The following SLC16A3 variants were observed in gnomAD, a reference collection of about 807,000 sequenced individuals.
The protein encoded by SLC16A3 is solute carrier family 16 member 3.
Under a neutral mutation model 25.0 loss-of-function variants are expected in SLC16A3, and 22 were observed. That is an observed-to-expected ratio of 0.88 (90% confidence interval 0.63 to 1.26). The LOEUF is 1.26. SLC16A3 is among the 50% of genes most tolerant of loss of function. The pLI is 0.00. For synonymous variants in SLC16A3, 390 were observed against 309.2 expected (o/e 1.26, Z -2.74); for missense variants, 731 against 666.6 (o/e 1.10, Z -1.06).
chr17:82,219,774 G>A (rs1209226917), intron 1 of SLC16A3, among the ~76,000 whole-genome samples: 7 of 152,276 alleles, frequency 4.6e-5, no homozygotes. Context: ...GGCTACAGGC[G>A]AGCATGGGCT....
chr17:82,234,694 C>G (rs2050567336), intron 1 of SLC16A3: 1 of 152,362 alleles, frequency 6.6e-6, no homozygotes, highest in Non-Finnish European at 1.5e-5. Flanking sequence ...ACGCACGGAA[C>G]TGCTCAGACT....
In SLC16A3 at chr17:82,237,743, T is replaced by C. The variant is rs1013056277; in HGVS notation, c.973T>C (p.Cys325Arg). 3 of 1,612,028 alleles carry C rather than the reference T, an allele frequency of 1.9e-6. No homozygotes were observed. The highest frequency in any genetic ancestry group is 2.5e-6 in the Non-Finnish European group (3 of 1,179,956). The change falls in exon 4 of 5, where the codon TGC (cysteine) becomes CGC (arginine). Residue 325 changes from cysteine (C) to arginine (R), a missense_variant. By Grantham distance (180) the Cys-to-Arg change is radical (BLOSUM62 -3). Transcript: ENST00000582743. Reference protein sequence around the residue: ...AGDYGGLVVFCIFFGISYGMV... With the variant: ...AGDYGGLVVFRIFFGISYGMV... Reference sequence around the variant, plus strand: ...CGACTACGGCGGCCTCGTGGTCTTCTGCATCTTCTTTGGCATCTCCTACGG... The same window carrying C: ...CGACTACGGCGGCCTCGTGGTCTTCCGCATCTTCTTTGGCATCTCCTACGG...
At chr17:82,225,949 G>C (rs2050419022), upstream of SLC16A3, among the ~76,000 whole-genome samples, 1 of 152,088 alleles carries the variant, frequency 6.6e-6, no homozygotes, top group Non-Finnish European at 1.5e-5. Flanking sequence ...CACAGAGGTA[G>C]GGACTCTCGG....
intron 3 of SLC16A3, 36 bp downstream of exon 3, chr17:82,236,908 G>A (rs1258255027): frequency 1.3e-6 from 2 of 1,598,498 alleles, no homozygotes; most frequent in Non-Finnish European, 1.7e-6. Context: ...CACGTGCCAG[G>A]AGGGGCAGGG....
Position 82,238,701 on chromosome 17 carries a change from G to A in SLC16A3, c.1124-1G>A. Reference sequence around the variant, plus strand: ...CTGGGACTGACGGGGTCTTCCCGCAGGCAAACTCCTGGATGCGACCCACGT... The same window carrying A: ...CTGGGACTGACGGGGTCTTCCCGCAAGCAAACTCCTGGATGCGACCCACGT... On this transcript the variant is annotated splice_acceptor_variant, in intron 4 of 4. Coordinates refer to ENST00000582743, the MANE Select transcript of SLC16A3 (RefSeq NM_004207.4). LOFTEE classifies it high-confidence loss of function. The A allele has an allele frequency of 6.2e-7, 1 of 1,606,366 alleles. No individual in the cohort carries two copies. Among genetic ancestry groups the A allele is most frequent in the Non-Finnish European group, 8.5e-7 (1 of 1,176,224 alleles).
upstream of SLC16A3, among the ~76,000 whole-genome samples, chr17:82,224,972 ACTCCCTGGGAAG>A (rs2050413180): frequency 2.0e-5 from 3 of 151,834 alleles, no homozygotes; most frequent in Admixed American, 2.0e-4. Flanking sequence ...CTGGGCTGCC[ACTCCCTGGGAAG>A]GACCAGCAGC....
Position 82,237,146 on chromosome 17 carries a change from T to G in SLC16A3, c.376T>G (p.Leu126Val). Residue 126 changes from leucine to valine, a missense_variant, in exon 4 of 5, where the codon TTG (leucine) becomes GTG (valine). By Grantham distance (32) the Leu-to-Val change is conservative. Transcript: ENST00000582743. ...LTTGVITGLG[L>V]ALNFQPSLIM... ...CATTCCCTTTCCTCCAGGGTTGGGT[T>G]TGGCACTCAACTTCCAGCCCTCGCT... 1 of 1,508,078 alleles carries G rather than the reference T, an allele frequency of 6.6e-7. No individual in the cohort carries two copies. The highest frequency in any genetic ancestry group is 1.3e-5 in the South Asian group (1 of 74,964). The allele number at this position is 1,508,078 out of a possible 1,614,324, so 93.4% of individuals were successfully genotyped here.
At position 82,223,329 on chromosome 17, in the gene SLC16A3, T is replaced by C. The variant is rs138133546; in HGVS notation, c.-27+5145T>C. The stretch of plus-strand genomic sequence containing the variant: ...TCCCAAGTAGTTGGGATTACCGGCA[T>C]GTGCCATGACGCCTGGCTAATTTTT... On this transcript the variant is annotated intron_variant, in intron 1 of 4. Transcript: ENST00000580098. 4.4e-3 allele frequency among the ~76,000 whole-genome samples: 673 copies of C among 152,156 alleles called. 4 individuals are homozygous for C. The highest frequency in any genetic ancestry group is 0.015 in the African/African-American group (641 of 41,482).
rs1445583436 is a variant in SLC16A3, at chr17:82,236,168, GGGATCGGCTACAGCGACACAGCCT to G, written c.166_189del (p.Gly56_Ile63del). ...CTTCAAGGAGCTCATACAGGAGTTT[GGGATCGGCTACAGCGACACAGCCT>G]GGATCTCCTCCATCCTGCTGGCCAT... On this transcript the variant is annotated inframe_deletion, in exon 2 of 5. Transcript: ENST00000582743. 9.3e-6 allele frequency: 15 copies of G among 1,613,114 alleles called. No homozygotes were observed. The highest frequency in any genetic ancestry group is 1.2e-5 in the Non-Finnish European group (14 of 1,179,994).
chr17:82,232,235 CAGTT>C (rs1174608212), intron 1 of SLC16A3: 14 of 152,304 alleles, frequency 9.2e-5, no homozygotes, highest in Non-Finnish European at 1.6e-4. Context: ...GGGCTGGAGT[CAGTT>C]AGGTAACAGG....
rs181699499 is a variant in SLC16A3 at position 82,237,343 on chromosome 17, C to T, written c.573C>T (p.Cys191=). ...TGGGCGGCCTGCTGCTCAACTGCTG[C>T]GTGTGTGCCGCACTCATGAGGCCCC... is the stretch of plus-strand genomic sequence containing the variant. ...LILGGLLLNC[C]VCAALMRPLV... is the part of the protein sequence containing the mutation. The change falls in exon 4 of 5, where the codon TGC becomes TGT. Residue 191 remains cysteine (C), a synonymous_variant. Transcript: ENST00000582743. 2.4e-5 allele frequency: 37 copies of T among 1,539,124 alleles called. No homozygotes were observed. The highest frequency in any genetic ancestry group is 2.0e-4 in the Admixed American group (10 of 50,450).
chr17:82,218,102 C>T (rs1237225532), exon 1 of SLC16A3, among the ~76,000 whole-genome samples: 2 of 152,324 alleles, frequency 1.3e-5, no homozygotes, highest in Non-Finnish European at 2.9e-5. Flanking sequence ...CAGGTGGTGA[C>T]CTCTGCTCCT....
Position 82,239,858 on chromosome 17 carries a change from G to A in SLC16A3, c.*882G>A, listed in dbSNP as rs1364409770. ...TGCCCAGGGCTGGTCTTTGCACCCT[G>A]TCCTCCATCCAGCCCGGCCCAGCGC... is the stretch of plus-strand genomic sequence containing the variant. On this transcript the variant is annotated 3_prime_UTR_variant, in exon 5 of 5. Transcript: ENST00000582743. The A allele has an allele frequency of 1.9e-6, 1 of 535,302 alleles. No homozygotes were observed. Among genetic ancestry groups the A allele is most frequent in the South Asian group, 1.0e-4 (1 of 10,034 alleles). The allele number at this position is 535,302 out of a possible 1,614,324, so 33.2% of individuals were successfully genotyped here.
chr17:82,236,650 T>C, intron 2 of SLC16A3, 79 bp from the exon 3 acceptor site: 1 of 1,553,600 alleles, frequency 6.4e-7, no homozygotes, highest in Non-Finnish European at 8.7e-7. Context: ...GGAGGCCGGC[T>C]CCAGGCTGTG....
upstream of SLC16A3, among the ~76,000 whole-genome samples, chr17:82,227,665 CCACCTGCCCTGGGCGGGAGCAG>C (rs2050434703): frequency 4.7e-5 from 1 of 21,352 alleles, no homozygotes; most frequent in Non-Finnish European, 1.3e-4. Context: ...GGCGGGAGCA[CCACCTGCCCTGGGCGGGAGCAG>C]CACGGGCCAA....
chr17:82,220,112 C>T (rs1028474909), intron 1 of SLC16A3, among the ~76,000 whole-genome samples: 3 of 152,244 alleles, frequency 2.0e-5, no homozygotes, highest in Admixed American at 1.3e-4. Flanking sequence ...ACCCATCCAG[C>T]CACCTGCCAC....
At position 82,237,279 on chromosome 17, in the gene SLC16A3, T is replaced by A; in HGVS notation, c.509T>A (p.Leu170Gln). The A allele has an allele frequency of 1.3e-6, 2 of 1,564,718 alleles. No homozygotes were observed. The highest frequency in any genetic ancestry group is 1.7e-6 in the Non-Finnish European group (2 of 1,154,970). The change falls in exon 4 of 5, where the codon CTG becomes CAG. Residue 170 changes from leucine (L) to glutamine (Q), a missense_variant. Physicochemically the swap from Leu to Gln is moderately radical, Grantham distance 113. Transcript: ENST00000582743. Reference protein sequence around the residue: ...LCALSPLGQLLQDRYGWRGGF... With the variant: ...LCALSPLGQLQQDRYGWRGGF... The stretch of plus-strand genomic sequence containing the variant: ...GCCCTGAGCCCGCTGGGGCAGCTGC[T>A]GCAGGACCGCTACGGCTGGCGGGGC...
intron 1 of SLC16A3, among the ~76,000 whole-genome samples, chr17:82,219,245 G>A (rs1272750474): frequency 6.6e-6 from 1 of 152,144 alleles, no homozygotes; most frequent in African/African-American, 2.4e-5. Flanking sequence ...GCCCTGCTGG[G>A]CCTGCAGGTC....
upstream of SLC16A3, among the ~76,000 whole-genome samples, chr17:82,223,580 C>T (rs2050402023): frequency 6.6e-6 from 1 of 152,142 alleles, no homozygotes; most frequent in Non-Finnish European, 1.5e-5. Context: ...TCTAGGCTCA[C>T]TGCAGCCTCC....
Sources: allele counts gnomAD v4.1 joint callset (sites outside exome capture counted in the v4.1 genomes callset), GRCh38; gene constraint gnomAD v4.1.1; transcripts MANE v1.5; gene names NCBI Gene and HGNC (gene_info 2026-07-23, HGNC 2026-07-21).